The following HECW1 variants were observed in gnomAD, a reference collection of about 807,000 sequenced individuals.
The protein encoded by HECW1 is E3 ubiquitin-protein ligase HECW1.
In HECW1, 61 loss-of-function variants were observed where a neutral mutation model predicts 182.3. The observed-to-expected ratio is 0.33, with a 90% CI of 0.27 to 0.41. The LOEUF is 0.41. Among genes scored for constraint, HECW1 ranks in the 10% least tolerant of loss-of-function variants. The pLI is 1.00. For synonymous variants in HECW1, 859 were observed against 832.6 expected (o/e 1.03, Z -0.55); for missense variants, 1,739 against 2,108.9 (o/e 0.82, Z 3.44).
At chr7:43,464,438 A>G (rs1292648768) in intron 14 of HECW1, among the ~76,000 whole-genome samples, 1 of 151,730 alleles carries the variant, frequency 6.6e-6, no homozygotes, top group African/African-American at 2.4e-5. Flanking sequence ...ATTTCTTTGA[A>G]TTTGCCCAAG....
intron 8 of HECW1, among the ~76,000 whole-genome samples, 172 bp from the exon 9 acceptor site, chr7:43,437,831 C>T (rs1200140452): frequency 3.9e-5 from 6 of 152,074 alleles, no homozygotes; most frequent in Non-Finnish European, 7.4e-5. Flanking sequence ...AGCATCTTGT[C>T]GCTGCCCCTC....
intron 6 of HECW1, among the ~76,000 whole-genome samples, chr7:43,375,737 A>G (rs1297781198): frequency 6.6e-6 from 1 of 151,938 alleles, no homozygotes; most frequent in African/African-American, 2.4e-5. Context: ...TACAAAAACT[A>G]CAAAAATTAG....
At chr7:43,250,366 C>T (rs1375266393) in intron 3 of HECW1, among the ~76,000 whole-genome samples, 2 of 152,112 alleles carry the variant, frequency 1.3e-5, no homozygotes, top group Admixed American at 6.6e-5. Flanking sequence ...TCCTTTTCAA[C>T]TGGGCCACTA....
intron 21 of HECW1, 85 bp downstream of exon 21, chr7:43,501,407 G>C: frequency 1.4e-6 from 1 of 738,218 alleles, no homozygotes; most frequent in African/African-American, 1.8e-5. Flanking sequence ...AACTGTATGT[G>C]TGTGTTCTTT....
rs546371172 is a variant in HECW1 at position 43,408,323 on chromosome 7, C to T, written c.801+592C>T. ...AATAGTCTATGTTGTCTACAAAGGC[C>T]CTTCTCCACTCCTGAAAGTGTTGCC... On this transcript the variant is annotated intron_variant, in intron 8 of 29. Transcript: ENST00000395891. 5.9e-5 allele frequency among the ~76,000 whole-genome samples: 9 copies of T among 152,168 alleles called. No individual in the cohort carries two copies. The East Asian group carries it at 1.7e-3, about 29-fold the overall frequency.
intron 5 of HECW1, among the ~76,000 whole-genome samples, chr7:43,338,007 G>A (rs187272098): frequency 1.3e-5 from 2 of 152,288 alleles, no homozygotes; most frequent in African/African-American, 4.8e-5. Flanking sequence ...GCCATGTCCT[G>A]TGTGCCAGAG....
chr7:43,242,917 A>T (rs1799022794), intron 2 of HECW1, among the ~76,000 whole-genome samples: 1 of 152,156 alleles, frequency 6.6e-6, no homozygotes, highest in Non-Finnish European at 1.5e-5. Context: ...CAGTACGTAG[A>T]TGTTGAATTC....
At chr7:43,368,072 A>T (rs1488176516) in intron 6 of HECW1, among the ~76,000 whole-genome samples, 1 of 152,200 alleles carries the variant, frequency 6.6e-6, no homozygotes, top group African/African-American at 2.4e-5. Context: ...TTATGTACTC[A>T]GTAAATATTT....
chr7:43,134,529 A>G (rs997224275), intron 2 of HECW1, among the ~76,000 whole-genome samples: 5 of 152,056 alleles, frequency 3.3e-5, no homozygotes, highest in African/African-American at 1.2e-4. Flanking sequence ...TTTTAAAGAC[A>G]GGGTCTTGCT....
At chr7:43,471,299 A>G (rs1171917530) in intron 16 of HECW1, among the ~76,000 whole-genome samples, 1 of 152,210 alleles carries the variant, frequency 6.6e-6, no homozygotes, top group Non-Finnish European at 1.5e-5. Flanking sequence ...GGAGGCTGAG[A>G]GTTAGGAATA....
intron 28 of HECW1, 34 bp from the exon 29 acceptor site, chr7:43,554,558 A>T: frequency 1.3e-6 from 2 of 1,582,802 alleles, no homozygotes; most frequent in Non-Finnish European, 1.7e-6. Flanking sequence ...TTTTCTCCAC[A>T]TCCTGTCTTC....
At chr7:43,388,243 A>G (rs936520010) in intron 6 of HECW1, among the ~76,000 whole-genome samples, 2 of 152,224 alleles carry the variant, frequency 1.3e-5, no homozygotes, top group African/African-American at 2.4e-5. Context: ...GCATTCCTGA[A>G]TTATTTATCT....
At chr7:43,467,314 G>A (rs899879135) in intron 15 of HECW1, among the ~76,000 whole-genome samples, 1 of 152,114 alleles carries the variant, frequency 6.6e-6, no homozygotes, top group Non-Finnish European at 1.5e-5. Context: ...GCTGAATTGA[G>A]TCCTGAAGGT....
chr7:43,543,449 A>G (rs1360337076), intron 26 of HECW1, among the ~76,000 whole-genome samples: 3 of 152,158 alleles, frequency 2.0e-5, no homozygotes, highest in African/African-American at 4.8e-5. Context: ...ATTTCTTCCT[A>G]CAACTCTGGA....
At chr7:43,374,953 CACAT>C (rs2074267047) in intron 6 of HECW1, among the ~76,000 whole-genome samples, 1 of 151,816 alleles carries the variant, frequency 6.6e-6, no homozygotes, top group Admixed American at 6.6e-5. Context: ...AATTTGTAGA[CACAT>C]AAATAAGAAA....
chr7:43,307,541 A>G (rs1393854540), intron 3 of HECW1, among the ~76,000 whole-genome samples: 1 of 152,134 alleles, frequency 6.6e-6, no homozygotes, highest in African/African-American at 2.4e-5. Context: ...ACTGTCTAGG[A>G]AGACAGTGGC....
intron 8 of HECW1, among the ~76,000 whole-genome samples, chr7:43,421,206 A>G (rs1437218105): frequency 2.0e-5 from 3 of 152,228 alleles, no homozygotes; most frequent in Non-Finnish European, 2.9e-5. Context: ...AGCCTGTTCA[A>G]TATTTGATGT....
chr7:43,429,962 A>G, intron 8 of HECW1, among the ~76,000 whole-genome samples: 1 of 152,308 alleles, frequency 6.6e-6, no homozygotes, highest in Middle Eastern at 3.4e-3. Context: ...GAGGTATCTA[A>G]TCTCCACTTC....
At position 43,396,824 on chromosome 7, in the gene HECW1, G is replaced by A; in HGVS notation, c.566G>A (p.Ser189Asn). The A allele has an allele frequency of 6.2e-7, 1 of 1,611,748 alleles. No individual in the cohort carries two copies. Among genetic ancestry groups the A allele is most frequent in the South Asian group, 1.1e-5 (1 of 90,974 alleles). The change falls in exon 7 of 30, where the codon AGC becomes AAC. Residue 189 changes from serine (S) to asparagine (N), a missense_variant. Transcript: ENST00000395891. ...VKNSAAPIFK[S>N]IGADETVQGQ... is the part of the protein sequence containing the mutation. ...TCCTTCTTTTTACAGATTTTTAAAA[G>A]CATTGGTGCTGATGAGACCGTCCAA...
Sources: gnomAD v4.1 joint callset for allele counts (sites outside exome capture counted in the v4.1 genomes callset) on GRCh38, gnomAD v4.1.1 for gene constraint, MANE v1.5 for transcripts, NCBI Gene and HGNC (gene_info 2026-07-23, HGNC 2026-07-21) for gene names.